The following HTR2C variants were observed in gnomAD, a reference collection of about 807,000 sequenced individuals.
HTR2C encodes 5-hydroxytryptamine receptor 2C, also known as 5-hydroxytryptamine (serotonin) receptor 2C, G protein-coupled.
In HTR2C, 5 loss-of-function variants were observed where a neutral mutation model predicts 21.0. The observed-to-expected ratio is 0.24, with a 90% CI of 0.12 to 0.50. The LOEUF (loss-of-function observed/expected upper bound fraction) is 0.50. Among genes scored for constraint, HTR2C ranks in the 20% least tolerant of loss-of-function variants. HTR2C has a pLI of 0.98. For synonymous variants in HTR2C, 150 were observed against 145.3 expected, an observed-to-expected ratio of 1.03 and a Z score of -0.23; for missense variants, 271 against 371.2, an observed-to-expected ratio of 0.73 and a Z score of 2.22.
intron 1 of HTR2C, among the ~76,000 whole-genome samples, chrX:114,594,818 T>C (rs1461152089): frequency 1.2e-4 from 13 of 111,666 alleles, no homozygotes; most frequent in African/African-American, 4.2e-4. Context: ...TAAAATTTTC[T>C]TCATTTCCTA....
chrX:114,684,029 A>G (rs1931835500), intron 2 of HTR2C, among the ~76,000 whole-genome samples: 1 of 112,098 alleles, frequency 8.9e-6, no homozygotes, highest in Non-Finnish European at 1.9e-5. Context: ...CCTTGCCAGC[A>G]GTGAAAGTAT....
At chrX:114,749,126 CA>C (rs200570971) in intron 4 of HTR2C, among the ~76,000 whole-genome samples, 1 of 104,602 alleles carries the variant, frequency 9.6e-6, no homozygotes. Flanking sequence ...AATAAAATGT[CA>C]AAAAAAAACC....
intron 4 of HTR2C, among the ~76,000 whole-genome samples, chrX:114,732,303 T>G (rs782459922): frequency 4.5e-5 from 5 of 112,106 alleles, no homozygotes; most frequent in Non-Finnish European, 7.5e-5. Context: ...CTAGCTAATA[T>G]TTATGATGAA....
intron 4 of HTR2C, among the ~76,000 whole-genome samples, chrX:114,801,189 C>T (rs923705180): frequency 1.7e-4 from 19 of 111,179 alleles, no homozygotes; most frequent in East Asian, 1.7e-3. Context: ...AGTATTAACC[C>T]GTAAGCATTT....
chrX:114,835,311 G>T (rs1476487366), intron 4 of HTR2C, among the ~76,000 whole-genome samples: 2 of 104,977 alleles, frequency 1.9e-5, no homozygotes, highest in Non-Finnish European at 3.9e-5. Context: ...TTTCCAACTT[G>T]GTTCCATTCT....
chrX:114,847,295 G>A (rs901266130), intron 4 of HTR2C, among the ~76,000 whole-genome samples: 2 of 106,898 alleles, frequency 1.9e-5, no homozygotes, highest in African/African-American at 3.4e-5. Context: ...TAGGGACATG[G>A]ATGAAATTGG....
At chrX:114,750,193 C>T in intron 4 of HTR2C, among the ~76,000 whole-genome samples, 1 of 111,603 alleles carries the variant, frequency 9.0e-6, no homozygotes, top group Non-Finnish European at 1.9e-5. Context: ...TTTCAACTAA[C>T]AATGAACTCT....
intron 2 of HTR2C, among the ~76,000 whole-genome samples, chrX:114,627,177 ATGT>A (rs782290219): frequency 3.6e-5 from 4 of 111,602 alleles, no homozygotes; most frequent in East Asian, 5.7e-4. Context: ...CAAGGAAAGA[ATGT>A]TGTTCATTGC....
rs868962681 is a variant in HTR2C at position 114,807,159 on chromosome X, A to G, written c.350-40844A>G. On this transcript the variant is annotated intron_variant, in intron 4 of 5. Coordinates refer to ENST00000276198, the MANE Select transcript of HTR2C (RefSeq NM_000868.4). Reference sequence around the variant, plus strand: ...TATATATACCATATATACACCATATATATACCCCATATATACACCATGTAT... The same window carrying G: ...TATATATACCATATATACACCATATGTATACCCCATATATACACCATGTAT... Among the ~76,000 whole-genome samples, 405 of 49,174 alleles carry G rather than the reference A, an allele frequency of 8.2e-3. 190 individuals are homozygous for G. The highest frequency in any genetic ancestry group is 0.012 in the Admixed American group (42 of 3,584). 42.7% of individuals were successfully genotyped at this position (49,174 alleles called of 115,157 possible). A position where few individuals can be genotyped will look rare whatever the true frequency, so the allele number is the denominator to read the frequency against.
At chrX:114,886,105 T>G (rs1339616817) in intron 5 of HTR2C, among the ~76,000 whole-genome samples, 2 of 111,547 alleles carry the variant, frequency 1.8e-5, no homozygotes, top group Non-Finnish European at 3.8e-5. Context: ...TATAAAATTT[T>G]TGTCTTTAGT....
intron 4 of HTR2C, among the ~76,000 whole-genome samples, chrX:114,784,503 A>C (rs1368304543): frequency 9.1e-6 from 1 of 110,216 alleles, no homozygotes; most frequent in African/African-American, 3.3e-5. Context: ...TCTAAAGGAA[A>C]AATCATCCTA....
At chrX:114,803,542 G>A (rs2070373026) in intron 4 of HTR2C, among the ~76,000 whole-genome samples, 1 of 105,911 alleles carries the variant, frequency 9.4e-6, no homozygotes, top group Admixed American at 1.1e-4. Flanking sequence ...TTTGAGAAGT[G>A]TCTGTTCATG....
intron 4 of HTR2C, among the ~76,000 whole-genome samples, chrX:114,834,007 G>A (rs1355356738): frequency 4.5e-5 from 5 of 110,123 alleles, no homozygotes; most frequent in African/African-American, 6.6e-5. Flanking sequence ...GTAGTTGAGC[G>A]GTTTTGAGTG....
At chrX:114,801,573 C>A (rs1556446840) in intron 4 of HTR2C, among the ~76,000 whole-genome samples, 1 of 111,477 alleles carries the variant, frequency 9.0e-6, no homozygotes, top group African/African-American at 3.2e-5. Flanking sequence ...CTGACAAATT[C>A]TATCAAATAA....
intron 4 of HTR2C, among the ~76,000 whole-genome samples, chrX:114,807,168 A>ATG (rs1556450630): frequency 0.011 from 484 of 45,665 alleles, 209 homozygotes; most frequent in Non-Finnish European, 0.015. Flanking sequence ...TATATACCCC[A>ATG]TATATACACC....
intron 2 of HTR2C, among the ~76,000 whole-genome samples, chrX:114,648,692 C>T (rs782551352): frequency 2.7e-5 from 3 of 111,644 alleles, no homozygotes; most frequent in South Asian, 7.6e-4. Context: ...TGTGCCACTG[C>T]GCTCCAACCT....
At chrX:114,649,856 C>T (rs1371020264) in intron 2 of HTR2C, among the ~76,000 whole-genome samples, 2 of 111,225 alleles carry the variant, frequency 1.8e-5, no homozygotes, top group Non-Finnish European at 3.8e-5. Flanking sequence ...CTCAAGTGAT[C>T]CGCCTGCCTT....
intron 5 of HTR2C, among the ~76,000 whole-genome samples, chrX:114,874,302 G>A (rs1472725379): frequency 1.1e-4 from 12 of 111,282 alleles, no homozygotes; most frequent in Admixed American, 8.7e-4. Context: ...TATATATCCC[G>A]TAGTGGGATT....
At chrX:114,702,635 G>T (rs1320502071) in intron 2 of HTR2C, among the ~76,000 whole-genome samples, 1 of 111,213 alleles carries the variant, frequency 9.0e-6, no homozygotes, top group Non-Finnish European at 1.9e-5. Flanking sequence ...ATCGAGGCTA[G>T]GAAGAAACTG....
Sources: gnomAD v4.1 joint callset for allele counts (sites outside exome capture counted in the v4.1 genomes callset) on GRCh38, gnomAD v4.1.1 for gene constraint, MANE v1.5 for transcripts, NCBI Gene and HGNC (gene_info 2026-07-23, HGNC 2026-07-21) for gene names.